TENT5D: variants seen among roughly 807,000 people sequenced by gnomAD.
TENT5D encodes the protein terminal nucleotidyltransferase 5D, also known as cancer/testis antigen 112.
For missense variants in TENT5D, 191 were observed against 287.0 expected, an observed-to-expected ratio of 0.67 and a Z score of 2.42; for synonymous variants, 103 against 100.6, an observed-to-expected ratio of 1.02 and a Z score of -0.15.
At chrX:80,366,842 A>G (rs745684314) in intron 3 of TENT5D, among the ~76,000 whole-genome samples, 2 of 111,765 alleles carry the variant, frequency 1.8e-5, no homozygotes, top group South Asian at 7.4e-4. Context: ...CATATTTTCT[A>G]CTATACAATT....
intron 3 of TENT5D, among the ~76,000 whole-genome samples, chrX:80,360,060 A>G (rs993509435): frequency 2.7e-5 from 3 of 112,043 alleles, no homozygotes; most frequent in Non-Finnish European, 5.6e-5. Flanking sequence ...AAAGAGTTTT[A>G]TACGTTTCTG....
At chrX:80,438,474 A>G (rs939636362) in intron 1 of TENT5D, 136 bp from the exon 2 acceptor site, 2 of 104,461 alleles carry the variant, frequency 1.9e-5, no homozygotes, top group African/African-American at 6.8e-5. Context: ...GTGTGTATGT[A>G]TGCGTCTGTG....
intron 3 of TENT5D, among the ~76,000 whole-genome samples, chrX:80,362,284 C>CT (rs1930423171): frequency 9.0e-6 from 1 of 111,168 alleles, no homozygotes; most frequent in Non-Finnish European, 1.9e-5. Context: ...CTGCCTCAGC[C>CT]TCCCGAGTAG....
At chrX:80,341,710 C>CTTTT (rs1051286979) in intron 2 of TENT5D, among the ~76,000 whole-genome samples, 2 of 91,442 alleles carry the variant, frequency 2.2e-5, no homozygotes, top group South Asian at 4.9e-4. Context: ...TAATTCTTTT[C>CTTTT]TTTTTTTTTT....
chrX:80,352,218 A>T (rs1015420274), intron 3 of TENT5D, among the ~76,000 whole-genome samples: 1 of 111,996 alleles, frequency 8.9e-6, no homozygotes. Flanking sequence ...TGCTTTCTTC[A>T]GAGCTGGCAG....
At chrX:80,432,015 A>G (rs1932098915) in intron 1 of TENT5D, among the ~76,000 whole-genome samples, 1 of 110,661 alleles carries the variant, frequency 9.0e-6, no homozygotes. Context: ...AGATCTTGGA[A>G]TCCCCCATTT....
chrX:80,404,950 G>A (rs1053543748), intron 3 of TENT5D, among the ~76,000 whole-genome samples: 1 of 111,946 alleles, frequency 8.9e-6, no homozygotes, highest in African/African-American at 3.2e-5. Context: ...GTTAGGCCAG[G>A]AAAAGGCAAA....
chrX:80,385,523 A>G (rs1184600190), intron 3 of TENT5D, among the ~76,000 whole-genome samples: 1 of 112,179 alleles, frequency 8.9e-6, no homozygotes. Flanking sequence ...CAAGGACTTC[A>G]TGTCTAAAAC....
intron 3 of TENT5D, among the ~76,000 whole-genome samples, chrX:80,386,362 C>A (rs1931007210): frequency 9.1e-6 from 1 of 110,263 alleles, no homozygotes; most frequent in Non-Finnish European, 1.9e-5. Flanking sequence ...ACAATGAGAA[C>A]CCTTGGACAC....
intron 3 of TENT5D, among the ~76,000 whole-genome samples, chrX:80,381,627 C>T (rs1326588764): frequency 2.7e-5 from 3 of 111,913 alleles, no homozygotes; most frequent in South Asian, 3.7e-4. Flanking sequence ...TTCACATAGT[C>T]GCATATTTCT....
chrX:80,378,826 A>G (rs1234397312), intron 3 of TENT5D, among the ~76,000 whole-genome samples: 1 of 110,165 alleles, frequency 9.1e-6, no homozygotes, highest in East Asian at 2.9e-4. Context: ...GAGACAATTT[A>G]ACTTCCTCAT....
chrX:80,348,445 C>G (rs1229374297), intron 3 of TENT5D, among the ~76,000 whole-genome samples: 1 of 111,523 alleles, frequency 9.0e-6, no homozygotes, highest in Non-Finnish European at 1.9e-5. Context: ...AATGGGAGTT[C>G]ACTCATGATT....
chrX:80,443,216 G>A (rs750626708), exon 3 of TENT5D: 1 of 1,211,161 alleles, frequency 8.3e-7, no homozygotes, highest in Non-Finnish European at 1.1e-6. Context: ...ATATGTACCA[G>A]GAAACCTGAA....
At chrX:80,361,967 C>G (rs1443927489) in intron 3 of TENT5D, among the ~76,000 whole-genome samples, 1 of 110,392 alleles carries the variant, frequency 9.1e-6, no homozygotes. Flanking sequence ...TTTTTTATCC[C>G]TTTCTCCTCT....
intron 3 of TENT5D, among the ~76,000 whole-genome samples, chrX:80,408,984 C>G (rs1931569641): frequency 9.0e-6 from 1 of 110,859 alleles, no homozygotes; most frequent in Non-Finnish European, 1.9e-5. Flanking sequence ...ATAAACAGAG[C>G]CAAAGACAAA....
chrX:80,365,357 A>G (rs1208864673), intron 3 of TENT5D, among the ~76,000 whole-genome samples: 1 of 111,659 alleles, frequency 9.0e-6, no homozygotes, highest in Non-Finnish European at 1.9e-5. Flanking sequence ...CTTATTGTTT[A>G]TGGAAAGTCA....
chrX:80,396,900 G>A (rs1931263951), intron 3 of TENT5D, among the ~76,000 whole-genome samples: 5 of 89,561 alleles, frequency 5.6e-5, no homozygotes, highest in African/African-American at 1.2e-4. Flanking sequence ...GCCGGGCGGG[G>A]GGCTGACCCC....
Position 80,405,967 on chromosome X carries a change from G to C in TENT5D, c.-141-32643G>C, listed in dbSNP as rs1390429469. 5.3e-3 allele frequency among the ~76,000 whole-genome samples: 575 copies of C among 108,985 alleles called. 8 individuals are homozygous for C. The highest frequency in any genetic ancestry group is 0.018 in the African/African-American group (543 of 29,844). The allele number at this position is 108,985 out of a possible 115,157, so 94.6% of individuals were successfully genotyped here. ...CCTGACCCCCGAGCAGCCTAACTGG[G>C]AGGCACCCCCCAGCAGGGGCACACT... On this transcript the variant is annotated intron_variant, in intron 3 of 4. Coordinates refer to the TENT5D transcript ENST00000538312.
chrX:80,425,662 A>G (rs1159048238), intron 1 of TENT5D, among the ~76,000 whole-genome samples: 1 of 112,592 alleles, frequency 8.9e-6, no homozygotes, highest in African/African-American at 3.2e-5. Context: ...GATAATTTCA[A>G]TTATAATTGA....
Sources: gnomAD v4.1 joint callset for allele counts (sites outside exome capture counted in the v4.1 genomes callset) on GRCh38, gnomAD v4.1.1 for gene constraint, MANE v1.5 for transcripts, NCBI Gene and HGNC (gene_info 2026-07-23, HGNC 2026-07-21) for gene names.